IL1RAPL2: variants seen among roughly 807,000 people sequenced by gnomAD.
IL1RAPL2 encodes the protein interleukin 1 receptor accessory protein like 2.
IL1RAPL2 carries 3 observed loss-of-function variants against 44.1 expected under a neutral mutation model. The observed-to-expected ratio is 0.07, with a 90% confidence interval of 0.03 to 0.18. The LOEUF is 0.18. IL1RAPL2 is among the 10% of genes least tolerant of loss of function. The probability of loss-of-function intolerance (pLI) is 1.00; values close to 1 mark genes in which losing one functional copy is unlikely to be tolerated. For missense variants in IL1RAPL2, 391 were observed against 496.4 expected (o/e 0.79, Z 2.02); for synonymous variants, 181 against 178.8 (o/e 1.01, Z -0.10).
intron 2 of IL1RAPL2, among the ~76,000 whole-genome samples, chrX:104,726,750 G>A (rs1448372712): frequency 9.0e-6 from 1 of 111,016 alleles, no homozygotes; most frequent in African/African-American, 3.3e-5. Flanking sequence ...AGACTTTGCT[G>A]AAGTTGCTTA....
At chrX:104,940,627 C>A (rs1179292303) in intron 2 of IL1RAPL2, among the ~76,000 whole-genome samples, 1 of 110,599 alleles carries the variant, frequency 9.0e-6, no homozygotes, top group Non-Finnish European at 1.9e-5. Flanking sequence ...GTTTCCTTCT[C>A]TAGTTCGTAT....
intron 5 of IL1RAPL2, among the ~76,000 whole-genome samples, chrX:105,400,732 C>T (rs1250683683): frequency 1.8e-5 from 2 of 112,022 alleles, no homozygotes; most frequent in South Asian, 3.7e-4. Flanking sequence ...TTTCACTGCA[C>T]TTATCAATCT....
chrX:105,613,805 G>A (rs192621507), intron 6 of IL1RAPL2, among the ~76,000 whole-genome samples: 59 of 111,528 alleles, frequency 5.3e-4, no homozygotes, highest in Admixed American at 1.5e-3. Flanking sequence ...GTTTGAGTGC[G>A]ACCTCATCTG....
At chrX:105,116,224 C>T (rs903062121) in intron 2 of IL1RAPL2, among the ~76,000 whole-genome samples, 5 of 112,628 alleles carry the variant, frequency 4.4e-5, no homozygotes, top group African/African-American at 9.7e-5. Context: ...GAGGAGGCAC[C>T]GAGAGTGAGC....
intron 5 of IL1RAPL2, among the ~76,000 whole-genome samples, chrX:105,460,745 T>C: frequency 1.8e-5 from 2 of 111,978 alleles, no homozygotes; most frequent in Non-Finnish European, 3.8e-5. Context: ...TTCTAGTCCT[T>C]TCATTTTCAT....
At chrX:105,205,351 G>T (rs192857663) in intron 3 of IL1RAPL2, among the ~76,000 whole-genome samples, 1 of 108,612 alleles carries the variant, frequency 9.2e-6, no homozygotes, top group Non-Finnish European at 1.9e-5. Context: ...CACTTTGGGA[G>T]GCTGAGACGG....
intron 5 of IL1RAPL2, among the ~76,000 whole-genome samples, chrX:105,367,118 A>G (rs1449443286): frequency 1.8e-5 from 2 of 111,326 alleles, no homozygotes; most frequent in African/African-American, 6.5e-5. Flanking sequence ...TTGACTTAAC[A>G]TCCACATTAT....
At chrX:104,576,417 C>A (rs1928244682) in intron 1 of IL1RAPL2, among the ~76,000 whole-genome samples, 1 of 112,000 alleles carries the variant, frequency 8.9e-6, no homozygotes, top group African/African-American at 3.2e-5. Context: ...ATTAAAGCTT[C>A]AGATGGAGCC....
intron 2 of IL1RAPL2, among the ~76,000 whole-genome samples, chrX:104,713,282 A>G (rs1931493597): frequency 9.1e-6 from 1 of 110,460 alleles, no homozygotes; most frequent in Admixed American, 9.7e-5. Flanking sequence ...TGATTCTATT[A>G]CCTACTTCTG....
chrX:104,986,046 C>T (rs759282991), intron 2 of IL1RAPL2, among the ~76,000 whole-genome samples: 1 of 112,367 alleles, frequency 8.9e-6, no homozygotes, highest in South Asian at 3.7e-4. Context: ...TCTTGCCTTG[C>T]TATTTGTCCT....
intron 5 of IL1RAPL2, among the ~76,000 whole-genome samples, chrX:105,364,236 T>C (rs1370661296): frequency 1.1e-4 from 12 of 111,639 alleles, no homozygotes; most frequent in Non-Finnish European, 2.3e-4. Flanking sequence ...CTATAAATAC[T>C]TGATTTTATT....
At chrX:105,673,161 A>G (rs755806505) in intron 6 of IL1RAPL2, among the ~76,000 whole-genome samples, 1 of 111,615 alleles carries the variant, frequency 9.0e-6, no homozygotes, top group Admixed American at 9.6e-5. Context: ...ATAAGGCTTT[A>G]TTTCTATTTT....
intron 1 of IL1RAPL2, among the ~76,000 whole-genome samples, chrX:104,616,221 T>G (rs1929274778): frequency 8.9e-6 from 1 of 112,348 alleles, no homozygotes; most frequent in South Asian, 3.7e-4. Context: ...TTTGTTTTGT[T>G]TTGTTTTTGC....
chrX:104,965,218 C>T (rs142545077), intron 2 of IL1RAPL2, among the ~76,000 whole-genome samples: 10 of 111,486 alleles, frequency 9.0e-5, no homozygotes, highest in Admixed American at 1.9e-4. Flanking sequence ...CCAGTTGAAT[C>T]TCCTATCCAC....
chrX:104,960,310 A>G (rs2029981530), intron 2 of IL1RAPL2, among the ~76,000 whole-genome samples: 2 of 112,333 alleles, frequency 1.8e-5, no homozygotes, highest in Non-Finnish European at 3.8e-5. Flanking sequence ...CCAAAAAATG[A>G]TCATCCTTGT....
In IL1RAPL2 at chrX:105,365,112, G is replaced by T. The variant is rs150266088; in HGVS notation, c.697+97571G>T. On this transcript the variant is annotated intron_variant, in intron 5 of 10. Transcript: ENST00000372582. ...TTTCTGAGGGTTTTTATTATGAACAGATGTTGAGTGTTATTGCAGGCTTTT... is the reference window on the plus strand; with the variant it reads ...TTTCTGAGGGTTTTTATTATGAACATATGTTGAGTGTTATTGCAGGCTTTT... Among the ~76,000 whole-genome samples, 592 of 111,744 alleles carry T rather than the reference G, an allele frequency of 5.3e-3. 5 individuals are homozygous for T. The highest frequency in any genetic ancestry group is 0.018 in the African/African-American group (553 of 30,858).
chrX:105,202,096 T>G (rs2033722497), intron 3 of IL1RAPL2, among the ~76,000 whole-genome samples: 1 of 112,028 alleles, frequency 8.9e-6, no homozygotes, highest in African/African-American at 3.2e-5. Context: ...TTCATTAGCA[T>G]TAAATTAGAT....
At chrX:105,065,062 T>C (rs1312210647) in intron 2 of IL1RAPL2, among the ~76,000 whole-genome samples, 2 of 112,489 alleles carry the variant, frequency 1.8e-5, no homozygotes, top group Non-Finnish European at 1.9e-5. Flanking sequence ...TATAGTTTTC[T>C]GGAAACAAAG....
chrX:105,073,203 C>G (rs1602936070), intron 2 of IL1RAPL2, among the ~76,000 whole-genome samples: 1 of 61,166 alleles, frequency 1.6e-5, no homozygotes, highest in East Asian at 7.2e-4. Context: ...CCTCCCCCCA[C>G]CCCACAACAG....
Sources: allele counts gnomAD v4.1 joint callset (sites outside exome capture counted in the v4.1 genomes callset), GRCh38; gene constraint gnomAD v4.1.1; transcripts MANE v1.5; gene names NCBI Gene and HGNC (gene_info 2026-07-23, HGNC 2026-07-21).